Variants in SPAG17 observed in about 807,000 individuals in gnomAD.
SPAG17 encodes sperm-associated antigen 17.
A neutral mutation model predicts 273.6 loss-of-function variants in SPAG17; 169 were observed. That is an observed-to-expected ratio of 0.62 (90% CI 0.55 to 0.70). SPAG17 has a LOEUF of 0.70. Among genes scored for constraint, SPAG17 ranks in the 30% least tolerant of loss-of-function variants. The pLI is 0.00. For synonymous variants in SPAG17, 825 were observed against 873.2 expected, an observed-to-expected ratio of 0.94 and a Z score of 0.97; for missense variants, 2,557 against 2,627.8, an observed-to-expected ratio of 0.97 and a Z score of 0.59.
intron 1 of SPAG17, among the ~76,000 whole-genome samples, chr1:118,154,854 GAAGTTT>G (rs1318179165): frequency 2.6e-5 from 4 of 151,916 alleles, no homozygotes; most frequent in South Asian, 2.1e-4. Context: ...ACTATCTTAA[GAAGTTT>G]AAGTTTAAGA....
intron 1 of SPAG17, among the ~76,000 whole-genome samples, chr1:118,181,275 C>T (rs951655968): frequency 1.3e-5 from 2 of 151,732 alleles, no homozygotes; most frequent in Non-Finnish European, 2.9e-5. Flanking sequence ...AAAAGTAAGT[C>T]TTTTCATACC....
At chr1:117,970,198 G>A in intron 45 of SPAG17, 82 bp from the exon 46 acceptor site, 1 of 1,402,238 alleles carries the variant, frequency 7.1e-7, no homozygotes, top group Non-Finnish European at 9.8e-7. Context: ...TATAAAATAA[G>A]GAAGGTGTTA....
chr1:117,986,085 T>C (rs970383317), intron 40 of SPAG17, among the ~76,000 whole-genome samples: 9 of 152,170 alleles, frequency 5.9e-5, no homozygotes, highest in Admixed American at 2.0e-4. Context: ...CTGTAAGTAA[T>C]CAAATTGTAA....
At chr1:118,059,360 TTTTAA>T (rs756750606) in intron 18 of SPAG17, among the ~76,000 whole-genome samples, 23 of 152,142 alleles carry the variant, frequency 1.5e-4, no homozygotes, top group South Asian at 2.1e-4. Flanking sequence ...ATTTTTTGAA[TTTTAA>T]TTTATTTTTA....
At chr1:118,115,135 C>T (rs971714185) in intron 4 of SPAG17, among the ~76,000 whole-genome samples, 175 bp downstream of exon 4, 4 of 152,074 alleles carry the variant, frequency 2.6e-5, no homozygotes, top group Non-Finnish European at 4.4e-5. Context: ...ATGGGTTTAT[C>T]ATAATTCCTC....
rs1331817786 is a variant in SPAG17, at chr1:117,973,445, T to C, written c.6121A>G (p.Lys2041Glu). 3 of 1,613,346 alleles carry C rather than the reference T, an allele frequency of 1.9e-6. No individual in the cohort carries two copies. Among genetic ancestry groups the C allele is most frequent in the Admixed American group, 1.7e-5 (1 of 59,988 alleles). Residue 2041 changes from lysine to glutamate, a missense_variant, in exon 44 of 49, where the codon AAG becomes GAG. Transcript: ENST00000336338. ...LPHYLLSSKP[K>E]SQPLAKVQDS... ...TTTACCTTTGCAAGAGGTTGAGACT[T>C]AGGCTTGGAACTCAGCAAATAATGA...
At chr1:118,131,635 G>A (rs1658056702) in intron 3 of SPAG17, among the ~76,000 whole-genome samples, 1 of 152,142 alleles carries the variant, frequency 6.6e-6, no homozygotes, top group Non-Finnish European at 1.5e-5. Flanking sequence ...AAATCAGATG[G>A]CCATTGTGTA....
At chr1:117,981,556 C>CA in intron 42 of SPAG17, among the ~76,000 whole-genome samples, 155 bp from the exon 43 acceptor site, 1 of 152,276 alleles carries the variant, frequency 6.6e-6, no homozygotes, top group East Asian at 1.9e-4. Flanking sequence ...ATAAGAAAGC[C>CA]ATTAAGAGGC....
intron 28 of SPAG17, 33 bp from the exon 29 acceptor site, chr1:118,016,215 A>G (rs768254708): frequency 1.3e-6 from 2 of 1,516,264 alleles, no homozygotes; most frequent in South Asian, 1.1e-5. Flanking sequence ...AACAACAACA[A>G]TATAACTATA....
chr1:118,184,669 CTAT>C (rs1414538326), intron 1 of SPAG17, among the ~76,000 whole-genome samples: 2 of 152,106 alleles, frequency 1.3e-5, no homozygotes, highest in Non-Finnish European at 2.9e-5. Flanking sequence ...TATTAAAGCC[CTAT>C]TATGGGCCAG....
In SPAG17 at chr1:118,079,217, G is replaced by GA. The variant is rs1330363978; in HGVS notation, c.2209+1883dup. ...TTCAGGCTAAGTGTGCCCTATTTGG[G>GA]AAGATTTTTGATTACTGATATAATT... On this transcript the variant is annotated intron_variant, in intron 15 of 48. Coordinates refer to ENST00000336338, the MANE Select transcript of SPAG17 (RefSeq NM_206996.4). 3.9e-5 allele frequency among the ~76,000 whole-genome samples: 6 copies of GA among 152,124 alleles called. No individual in the cohort carries two copies. The East Asian group carries it at 1.2e-3, about 29-fold the overall frequency.
chr1:117,963,313 T>C (rs966618831), intron 48 of SPAG17: 1 of 152,350 alleles, frequency 6.6e-6, no homozygotes, highest in Non-Finnish European at 1.5e-5. Context: ...GAGCATTACA[T>C]TTTATAATAT....
chr1:117,979,762 C>A (rs1367337346), intron 43 of SPAG17, among the ~76,000 whole-genome samples: 2 of 152,102 alleles, frequency 1.3e-5, no homozygotes, highest in Non-Finnish European at 2.9e-5. Flanking sequence ...ATGTTTCTGC[C>A]CCTCAGGAAC....
At chr1:118,153,111 G>A (rs1659478707) in intron 1 of SPAG17, among the ~76,000 whole-genome samples, 1 of 152,140 alleles carries the variant, frequency 6.6e-6, no homozygotes. Context: ...TGAGAAAGAG[G>A]GTATTGTAGT....
chr1:118,156,268 C>T (rs913687983), intron 1 of SPAG17, among the ~76,000 whole-genome samples: 2 of 152,186 alleles, frequency 1.3e-5, no homozygotes, highest in South Asian at 4.1e-4. Flanking sequence ...GTTTTCTATG[C>T]TTTTGCACTT....
At chr1:117,997,523 T>C (rs12130667) in intron 32 of SPAG17, among the ~76,000 whole-genome samples, 9,521 of 137,344 alleles carry the variant, frequency 0.069, 513 homozygotes, top group East Asian at 0.32. Flanking sequence ...AATAACTTCA[T>C]ACCTACTAGC....
At chr1:118,144,761 C>T (rs182616638) in intron 3 of SPAG17, among the ~76,000 whole-genome samples, 3 of 152,298 alleles carry the variant, frequency 2.0e-5, no homozygotes, top group Admixed American at 2.0e-4. Flanking sequence ...TCTTTGAAGA[C>T]TGTACTGGCC....
At chr1:118,156,051 C>G (rs1378384437) in intron 1 of SPAG17, among the ~76,000 whole-genome samples, 1 of 152,176 alleles carries the variant, frequency 6.6e-6, no homozygotes, top group East Asian at 1.9e-4. Context: ...AACGACCATG[C>G]TATGCACTAA....
At chr1:117,968,125 A>G (rs1159230383) in intron 46 of SPAG17, among the ~76,000 whole-genome samples, 1 of 152,184 alleles carries the variant, frequency 6.6e-6, no homozygotes, top group Non-Finnish European at 1.5e-5. Flanking sequence ...GGCTTTGAGC[A>G]GATTCATTTA....
Sources: gnomAD v4.1 joint callset for allele counts (sites outside exome capture counted in the v4.1 genomes callset) on GRCh38, gnomAD v4.1.1 for gene constraint, MANE v1.5 for transcripts, NCBI Gene and HGNC (gene_info 2026-07-23, HGNC 2026-07-21) for gene names.